The following NFKBIE variants were observed in gnomAD, a reference collection of about 807,000 sequenced individuals.
NFKBIE encodes the protein NF-kappa-B inhibitor epsilon.
In NFKBIE, 11 loss-of-function variants were observed where a neutral mutation model predicts 31.6. The observed-to-expected ratio is 0.35, with a 90% CI of 0.22 to 0.58. The LOEUF is 0.58. Ranked by LOEUF, NFKBIE falls within the 20% of genes least tolerant of loss-of-function variation. The probability of loss-of-function intolerance (pLI) is 0.83; values close to 1 mark genes in which losing one functional copy is unlikely to be tolerated. For missense variants in NFKBIE, 354 were observed against 465.7 expected (o/e 0.76, Z 2.21); for synonymous variants, 208 against 210.1 (o/e 0.99, Z 0.09).
intron 2 of NFKBIE, 116 bp downstream of exon 2, chr6:44,262,444 G>A (rs769737465): frequency 1.2e-6 from 1 of 835,742 alleles, no homozygotes; most frequent in East Asian, 2.6e-5. Context: ...TCAGTTTCTA[G>A]CTCAGTGTCT....
intron 5 of NFKBIE, 122 bp from the exon 6 acceptor site, chr6:44,259,406 A>G: frequency 1.4e-6 from 1 of 733,334 alleles, no homozygotes; most frequent in South Asian, 1.4e-5. Flanking sequence ...GAAGACCATC[A>G]GGGAACAAAT....
rs1243593487 is a variant in NFKBIE, at chr6:44,261,152, T to C, written c.691+474A>G. 1.3e-5 allele frequency among the ~76,000 whole-genome samples: 2 copies of C among 152,196 alleles called. No individual in the cohort carries two copies. Among genetic ancestry groups the C allele is most frequent in the Non-Finnish European group, 1.5e-5 (1 of 68,026 alleles). On this transcript the variant is annotated intron_variant, in intron 3 of 5. Transcript: ENST00000619360. This position sits in a 1 kb window ranked among gnomAD's most constrained non-coding sequence, Gnocchi z 4.3. ...CGGACCACCCTATTTAACAATCATA[T>C]CAACTCTCCTACTCCCCACATTCCT...
At chr6:44,259,941 A>C in intron 5 of NFKBIE, 102 bp downstream of exon 5, 2 of 1,475,996 alleles carry the variant, frequency 1.4e-6, no homozygotes, top group Non-Finnish European at 1.8e-6. Flanking sequence ...AGTCCTGGTT[A>C]TACCCCAGGA....
In NFKBIE at chr6:44,265,496, C is replaced by CG. The variant is rs1417492975; in HGVS notation, c.-151dup. The CG allele has an allele frequency of 1.3e-6, 2 of 1,536,818 alleles. No individual in the cohort carries two copies. Among genetic ancestry groups the CG allele is most frequent in the Non-Finnish European group, 1.7e-6 (2 of 1,144,002 alleles). On this transcript the variant is annotated 5_prime_UTR_variant, in exon 1 of 6. Coordinates refer to ENST00000619360, the MANE Select transcript of NFKBIE (RefSeq NM_004556.3). ...CCCGGGCTGTGGGGCTCCGAGGGGC[C>CG]GGCGCGCAGCGAGGACAAGGTTCGG...
Position 44,260,285 on chromosome 6 carries a change from G to A in NFKBIE, c.781-3C>T. Reference sequence around the variant, plus strand: ...GCTGTCTTACCACTGGTGCCCTCCTGGGGAGGAATAAGGATGTCAGCCAAG... The same window carrying A: ...GCTGTCTTACCACTGGTGCCCTCCTAGGGAGGAATAAGGATGTCAGCCAAG... On this transcript the variant is annotated splice_polypyrimidine_tract_variant and splice_region_variant and intron_variant, in intron 4 of 5. Coordinates refer to ENST00000619360, the MANE Select transcript of NFKBIE (RefSeq NM_004556.3). This position sits in a 1 kb window ranked among gnomAD's most constrained non-coding sequence, Gnocchi z 5.5. The A allele has an allele frequency of 6.2e-7, 1 of 1,607,950 alleles. No homozygotes were observed. Among genetic ancestry groups the A allele is most frequent in the South Asian group, 1.1e-5 (1 of 90,976 alleles).
Position 44,261,663 on chromosome 6 carries a change from T to A in NFKBIE, c.654A>T (p.Thr218=). ...LEGRPEPGRG[T]SHSLDLQLQN... Reference sequence around the variant, plus strand: ...GCAGCTGGAGGTCCAGAGAGTGAGATGTTCCTCTGCCTGGCTCTGGCCGCC... The same window carrying A: ...GCAGCTGGAGGTCCAGAGAGTGAGAAGTTCCTCTGCCTGGCTCTGGCCGCC... Residue 218 remains threonine (T), a synonymous_variant, in exon 3 of 6, where the codon ACA becomes ACT. Transcript: ENST00000619360. This position sits in a 1 kb window ranked among gnomAD's most constrained non-coding sequence, Gnocchi z 4.3. 1.9e-6 allele frequency: 3 copies of A among 1,614,214 alleles called. No homozygotes were observed. Among genetic ancestry groups the A allele is most frequent in the Non-Finnish European group, 2.5e-6 (3 of 1,180,028 alleles).
chr6:44,259,391 C>T, intron 5 of NFKBIE, 107 bp from the exon 6 acceptor site: 1 of 786,536 alleles, frequency 1.3e-6, no homozygotes, highest in Admixed American at 1.8e-5. Flanking sequence ...CACCAAATGA[C>T]AGTTGAAGAC....
Position 44,260,888 on chromosome 6 carries a change from C to G in NFKBIE, c.692-349G>C, listed in dbSNP as rs920694034. Among the ~76,000 whole-genome samples, 1 of 145,110 alleles carries G rather than the reference C, an allele frequency of 6.9e-6. No homozygotes were observed. The highest frequency in any genetic ancestry group is 1.5e-5 in the Non-Finnish European group (1 of 67,138). ...ACACACACACACACACACACACACA[C>G]ACAACCTGCCTTCAAGCCCAGTCTG... On this transcript the variant is annotated intron_variant, in intron 3 of 5. Coordinates refer to ENST00000619360, the MANE Select transcript of NFKBIE (RefSeq NM_004556.3). This position sits in a 1 kb window ranked among gnomAD's most constrained non-coding sequence, Gnocchi z 5.5.
rs762846461 is a variant in NFKBIE, at chr6:44,261,692, C to T, written c.625G>A (p.Glu209Lys). ...QHLACARCLL[E>K]GRPEPGRGTS... is the part of the protein sequence containing the mutation. ...CCTCTGCCTGGCTCTGGCCGCCCTT[C>T]CAGCAGGCAGCGGGCACAGGCCAAG... The change falls in exon 3 of 6, where the codon GAA becomes AAA. Residue 209 changes from glutamate to lysine, a missense_variant. Physicochemically the swap from Glu to Lys is moderately conservative, Grantham distance 56. Coordinates refer to ENST00000619360, the MANE Select transcript of NFKBIE (RefSeq NM_004556.3). This position sits in a 1 kb window ranked among gnomAD's most constrained non-coding sequence, Gnocchi z 4.3. The T allele has an allele frequency of 6.2e-7, 1 of 1,614,214 alleles. No homozygotes were observed. The highest frequency in any genetic ancestry group is 8.5e-7 in the Non-Finnish European group (1 of 1,180,038).
rs1782076007 is a variant in NFKBIE at position 44,265,160 on chromosome 6, C to T, written c.187G>A (p.Asp63Asn). 1 of 1,551,938 alleles carries T rather than the reference C, an allele frequency of 6.4e-7. No homozygotes were observed. Residue 63 changes from aspartate (D) to asparagine (N), a missense_variant, in exon 1 of 6, where the codon GAC becomes AAC. By Grantham distance (23) the Asp-to-Asn change is conservative (BLOSUM62 1). Coordinates refer to ENST00000619360, the MANE Select transcript of NFKBIE (RefSeq NM_004556.3). ...GPVKEPQEKE[D>N]ADGERADSTY... ...GAATCAGCCCGCTCCCCATCCGCGT[C>T]TTCCTTCTCCTGTGGTTCCTTGACG...
chr6:44,265,354 G>T lies in NFKBIE; in HGVS notation c.-8C>A. ...CTTCCGCGCCTCCGACATGCCCGCG[G>T]CTCTGGCCGGCCGGGGCCCGGTCTG... On this transcript the variant is annotated 5_prime_UTR_variant, in exon 1 of 6. Transcript: ENST00000619360. The T allele has an allele frequency of 6.4e-7, 1 of 1,558,130 alleles. No homozygotes were observed. Among genetic ancestry groups the T allele is most frequent in the East Asian group, 2.4e-5 (1 of 41,972 alleles).
At chr6:44,264,553 G>A (rs1782044400) in intron 1 of NFKBIE, among the ~76,000 whole-genome samples, 1 of 152,212 alleles carries the variant, frequency 6.6e-6, no homozygotes, top group Non-Finnish European at 1.5e-5. Context: ...CCCATGCCTA[G>A]CTTCCTGGCC....
At chr6:44,259,663 C>T (rs905345252) in intron 5 of NFKBIE, among the ~76,000 whole-genome samples, 1 of 152,074 alleles carries the variant, frequency 6.6e-6, no homozygotes, top group East Asian at 1.9e-4. Context: ...AAAGACTGTA[C>T]AGAAAATCTG....
At chr6:44,264,844 T>G in intron 1 of NFKBIE, 138 bp downstream of exon 1, 10 of 978,166 alleles carry the variant, frequency 1.0e-5, no homozygotes, top group East Asian at 2.6e-5. Context: ...AAAAGTGGGC[T>G]GAGAGTTAAG....
rs1443508578 is a variant in NFKBIE at position 44,263,071 on chromosome 6, A to G, written c.366-409T>C. Reference sequence around the variant, plus strand: ...CCCACCACCCCAGCACACAGGAAAGAAGGAGACAGTTGCAGGGTCACCCCG... The same window carrying G: ...CCCACCACCCCAGCACACAGGAAAGGAGGAGACAGTTGCAGGGTCACCCCG... On this transcript the variant is annotated intron_variant, in intron 1 of 5. Transcript: ENST00000619360. The surrounding 1 kb of genome is among the most constrained non-coding windows in gnomAD (Gnocchi z 5.0). Among the ~76,000 whole-genome samples, 1 of 152,156 alleles carries G rather than the reference A, an allele frequency of 6.6e-6. No homozygotes were observed. The highest frequency in any genetic ancestry group is 1.5e-5 in the Non-Finnish European group (1 of 68,022).
At position 44,260,210 on chromosome 6, in the gene NFKBIE, G is replaced by A. The variant is rs1363944769; in HGVS notation, c.853C>T (p.Leu285Phe). 6.2e-7 allele frequency: 1 copy of A among 1,614,180 alleles called. No individual in the cohort carries two copies. Residue 285 changes from leucine to phenylalanine, a missense_variant, in exon 5 of 6, where the codon CTC (leucine) becomes TTC (phenylalanine). Around this residue, in one of 2 missense-constraint regions of NFKBIE, gnomAD observed 183 missense variants for 310.6 expected, o/e 0.59. Coordinates refer to ENST00000619360, the MANE Select transcript of NFKBIE (RefSeq NM_004556.3). This position sits in a 1 kb window ranked among gnomAD's most constrained non-coding sequence, Gnocchi z 5.5. ...GCATCTACCTGGGCACCAGCCTGGA[G>A]CAGGAACTGTACCAGGCCCCGCTCT... ...TQERGLVQFL[L>F]QAGAQVDARM...
In NFKBIE at chr6:44,265,408, G is replaced by A. The variant is rs1364465878; in HGVS notation, c.-62C>T. The A allele has an allele frequency of 6.5e-7, 1 of 1,545,732 alleles. No individual in the cohort carries two copies. Among genetic ancestry groups the A allele is most frequent in the Non-Finnish European group, 8.7e-7 (1 of 1,153,098 alleles). On this transcript the variant is annotated 5_prime_UTR_variant, in exon 1 of 6. Coordinates refer to ENST00000619360, the MANE Select transcript of NFKBIE (RefSeq NM_004556.3). ...AGGATCCGGCTCCAGGCTCCGCCGC[G>A]CCGCCTTTCCGGGTTGCGGGTCCGC...
At chr6:44,262,767 T>C (rs374980947) in intron 1 of NFKBIE, 105 bp from the exon 2 acceptor site, 6 of 806,244 alleles carry the variant, frequency 7.4e-6, no homozygotes, top group South Asian at 3.0e-5. Flanking sequence ...TAGCTACCCA[T>C]AGGGTAGGTC....
Position 44,260,231 on chromosome 6 carries a change from G to C in NFKBIE, c.832C>G (p.Arg278Gly). Reference sequence around the variant, plus strand: ...TGGAGCAGGAACTGTACCAGGCCCCGCTCTTGGGTTTCCACAGCCAGGTGC... The same window carrying C: ...TGGAGCAGGAACTGTACCAGGCCCCCCTCTTGGGTTTCCACAGCCAGGTGC... ...ALHLAVETQE[R>G]GLVQFLLQAG... is the part of the protein sequence containing the mutation. Residue 278 changes from arginine to glycine, a missense_variant, in exon 5 of 6, where the codon CGG becomes GGG. Physicochemically the swap from Arg to Gly is moderately radical, Grantham distance 125. Coordinates refer to ENST00000619360, the MANE Select transcript of NFKBIE (RefSeq NM_004556.3). The surrounding 1 kb of genome is among the most constrained non-coding windows in gnomAD (Gnocchi z 5.5). 5 of 1,613,410 alleles carry C rather than the reference G, an allele frequency of 3.1e-6. No individual in the cohort carries two copies. The highest frequency in any genetic ancestry group is 4.2e-6 in the Non-Finnish European group (5 of 1,179,412).
Sources: allele counts gnomAD v4.1 joint callset (sites outside exome capture counted in the v4.1 genomes callset), GRCh38; gene constraint gnomAD v4.1.1; regional missense constraint gnomAD v4.1.1; non-coding constraint Gnocchi (gnomAD v3.1); transcripts MANE v1.5; gene names NCBI Gene and HGNC (gene_info 2026-07-23, HGNC 2026-07-21).